HAVCR2: variants seen among roughly 807,000 people sequenced by gnomAD.
HAVCR2 encodes the protein hepatitis A virus cellular receptor 2.
A neutral mutation model predicts 24.7 loss-of-function variants in HAVCR2; 13 were observed. The ratio of observed to expected loss-of-function variants is 0.53; its 90% CI spans 0.34 to 0.84. The LOEUF (loss-of-function observed/expected upper bound fraction) is 0.84. Ranked by LOEUF, HAVCR2 falls within the 40% of genes least tolerant of loss-of-function variation. HAVCR2 has a pLI of 0.01. For missense variants in HAVCR2, 343 were observed against 371.2 expected (o/e 0.92, Z 0.62); for synonymous variants, 154 against 143.4 (o/e 1.07, Z -0.53).
intron 5 of HAVCR2, among the ~76,000 whole-genome samples, chr5:157,090,756 G>A (rs1756987737): frequency 6.6e-6 from 1 of 152,204 alleles, no homozygotes; most frequent in Admixed American, 6.6e-5. Flanking sequence ...AGAAATAATG[G>A]TGTCTTGGAG....
In HAVCR2 at chr5:157,086,874, AAC is replaced by A. The variant is rs1158017750; in HGVS notation, c.*226_*227del. 4.1e-6 allele frequency: 2 copies of A among 489,314 alleles called. No homozygotes were observed. The highest frequency in any genetic ancestry group is 7.1e-6 in the Non-Finnish European group (2 of 280,102). The allele number at this position is 489,314 out of a possible 1,614,324, so 30.3% of individuals were successfully genotyped here. On this transcript the variant is annotated 3_prime_UTR_variant, in exon 7 of 7. Coordinates refer to ENST00000307851, the MANE Select transcript of HAVCR2 (RefSeq NM_032782.5). ...CGTTTGAGCTCTAACATCCATGATT[AAC>A]AGTCTCTGGGTTGGGTAACTCTGTT...
intron 6 of HAVCR2, 78 bp downstream of exon 6, chr5:157,088,863 C>T: frequency 8.0e-7 from 1 of 1,253,236 alleles, no homozygotes. Flanking sequence ...CAGGATTTCT[C>T]AGAGAAAAGA....
At chr5:157,096,583 C>A (rs1757097363) in intron 4 of HAVCR2, among the ~76,000 whole-genome samples, 1 of 152,034 alleles carries the variant, frequency 6.6e-6, no homozygotes, top group East Asian at 1.9e-4. Context: ...TCAAGACCAG[C>A]CTGGCCAACA....
At chr5:157,104,808 G>A (rs1450101764) in intron 2 of HAVCR2, 59 bp from the exon 3 acceptor site, 37 of 1,195,568 alleles carry the variant, frequency 3.1e-5, no homozygotes, top group Non-Finnish European at 4.1e-5. Context: ...CTTATTTCAG[G>A]GAATCAAAGG....
chr5:157,095,354 A>G lies in HAVCR2; in HGVS notation c.628T>C (p.Cys210Arg). 6.2e-7 allele frequency: 1 copy of G among 1,614,184 alleles called. No homozygotes were observed. Among genetic ancestry groups the G allele is most frequent in the South Asian group, 1.1e-5 (1 of 91,086 alleles). The change falls in exon 5 of 7, where the codon TGT becomes CGT. Residue 210 changes from cysteine (C) to arginine (R), a missense_variant. Cys to Arg is a radical substitution (Grantham distance 180, BLOSUM62 -3). Coordinates refer to ENST00000307851, the MANE Select transcript of HAVCR2 (RefSeq NM_032782.5). Reference sequence around the variant, plus strand: ...ATAAGAGCCAGAGCCAGCCCAGCACAGATCCCTGCTCCGATGTAGATGCCT... The same window carrying G: ...ATAAGAGCCAGAGCCAGCCCAGCACGGATCCCTGCTCCGATGTAGATGCCT... The part of the protein sequence containing the change: ...RIGIYIGAGI[C>R]AGLALALIFG...
At chr5:157,095,567 G>A in intron 4 of HAVCR2, 108 bp from the exon 5 acceptor site, 2 of 1,208,422 alleles carry the variant, frequency 1.7e-6, no homozygotes, top group Non-Finnish European at 2.4e-6. Context: ...TCACAGGATG[G>A]CTGAGTCCTT....
At chr5:157,101,776 T>TA (rs1757170904) in intron 3 of HAVCR2, among the ~76,000 whole-genome samples, 1 of 151,290 alleles carries the variant, frequency 6.6e-6, no homozygotes, top group Admixed American at 6.6e-5. Context: ...ACTCCATTTT[T>TA]TTTTTTTTTT....
chr5:157,098,582 T>C (rs538492876), intron 4 of HAVCR2, among the ~76,000 whole-genome samples: 3 of 152,288 alleles, frequency 2.0e-5, no homozygotes, highest in Non-Finnish European at 2.9e-5. Context: ...AGTTGTGAAA[T>C]TGAAGAATAA....
Position 157,087,277 on chromosome 5 carries a change from T to C in HAVCR2, c.731A>G (p.Asn244Ser), listed in dbSNP as rs760452587. Residue 244 changes from asparagine (N) to serine (S), a missense_variant, in exon 7 of 7, where the codon AAC (asparagine) becomes AGC (serine). Transcript: ENST00000307851. ...IQNLSLISLA[N>S]LPPSGLANAV... ...ATTTGCCAATCCTGAGGGAGGGAGG[T>C]TGGCCAAAGAGATGAGGCTGTGGAA... is the stretch of plus-strand genomic sequence containing the variant. The C allele has an allele frequency of 6.2e-7, 1 of 1,610,052 alleles. No individual in the cohort carries two copies. Among genetic ancestry groups the C allele is most frequent in the South Asian group, 1.1e-5 (1 of 90,010 alleles).
intron 3 of HAVCR2, among the ~76,000 whole-genome samples, chr5:157,100,448 A>G (rs903628865): frequency 1.4e-4 from 22 of 152,178 alleles, no homozygotes; most frequent in Admixed American, 9.8e-4. Context: ...CTGCTGATCC[A>G]TTCCATGAAT....
intron 2 of HAVCR2, 197 bp from the exon 3 acceptor site, chr5:157,104,946 T>G: frequency 2.6e-6 from 1 of 387,638 alleles, no homozygotes; most frequent in Admixed American, 4.2e-5. Context: ...TAAGATGCAG[T>G]CATCATTGTT....
intron 2 of HAVCR2, 71 bp from the exon 3 acceptor site, chr5:157,104,820 G>GATTCCCTGAAT (rs1263461283): frequency 1.4e-5 from 16 of 1,110,136 alleles, no homozygotes; most frequent in Non-Finnish European, 2.1e-5. Context: ...AATCAAAGGG[G>GATTCCCTGAAT]CAGCAAGAAA....
intron 1 of HAVCR2, chr5:157,107,174 G>T (rs1029107305): frequency 7.3e-6 from 4 of 545,562 alleles, no homozygotes; most frequent in Non-Finnish European, 1.3e-5. Context: ...GGGCTCAACT[G>T]CTAGAGTTCC....
chr5:157,108,548 A>G (rs550198459), intron 1 of HAVCR2, among the ~76,000 whole-genome samples: 1 of 152,124 alleles, frequency 6.6e-6, no homozygotes, highest in South Asian at 2.1e-4. Context: ...GAAAAGAAAA[A>G]TATGCCTTAC....
At chr5:157,098,293 G>C (rs1004571534) in intron 4 of HAVCR2, among the ~76,000 whole-genome samples, 8 of 152,010 alleles carry the variant, frequency 5.3e-5, no homozygotes, top group Non-Finnish European at 1.2e-4. Flanking sequence ...TGTAATCCCA[G>C]CTACTCGGAA....
intron 6 of HAVCR2, 32 bp downstream of exon 6, chr5:157,088,909 A>G (rs1756952993): frequency 6.3e-7 from 1 of 1,591,322 alleles, no homozygotes; most frequent in African/African-American, 1.3e-5. Flanking sequence ...CAAGATTCTC[A>G]CCTTTTCCCA....
intron 5 of HAVCR2, among the ~76,000 whole-genome samples, chr5:157,091,312 G>A (rs1756996903): frequency 6.6e-6 from 1 of 152,150 alleles, no homozygotes; most frequent in African/African-American, 2.4e-5. Flanking sequence ...AGGCATGGCG[G>A]CACATGCATG....
intron 3 of HAVCR2, among the ~76,000 whole-genome samples, chr5:157,100,367 A>C (rs993251236): frequency 6.6e-6 from 1 of 152,204 alleles, no homozygotes; most frequent in Non-Finnish European, 1.5e-5. Context: ...TGCTGTCATT[A>C]TGAAGAGGGT....
Position 157,104,709 on chromosome 5 carries a change from A to G in HAVCR2, c.435T>C (p.Thr145=). 2 of 1,605,510 alleles carry G rather than the reference A, an allele frequency of 1.2e-6. No homozygotes were observed. The highest frequency in any genetic ancestry group is 3.4e-5 in the Admixed American group (2 of 59,028). The change falls in exon 3 of 7, where the codon ACT becomes ACC. Residue 145 remains threonine (T), a synonymous_variant. Coordinates refer to ENST00000307851, the MANE Select transcript of HAVCR2 (RefSeq NM_032782.5). ...TGGTAAGCATCCTTGGAAAGGCTGC[A>G]GTGAAGTCTCTCTGCCGAGTCGGTG... ...TPAPTRQRDF[T]AAFPRMLTTR...
Sources: gnomAD v4.1 joint callset for allele counts (sites outside exome capture counted in the v4.1 genomes callset) on GRCh38, gnomAD v4.1.1 for gene constraint, MANE v1.5 for transcripts, NCBI Gene and HGNC (gene_info 2026-07-23, HGNC 2026-07-21) for gene names.